SDF2: variants seen among roughly 807,000 people sequenced by gnomAD.
SDF2 encodes stromal cell-derived factor 2.
In SDF2, 12 loss-of-function variants were observed where a neutral mutation model predicts 20.5. The observed-to-expected ratio is 0.58, with a 90% CI of 0.37 to 0.95. The LOEUF is 0.95. Ranked by LOEUF, SDF2 falls within the 40% of genes least tolerant of loss-of-function variation. SDF2 has a pLI of 0.01. For synonymous variants in SDF2, 100 were observed against 101.0 expected (o/e 0.99, Z 0.06); for missense variants, 238 against 263.1 (o/e 0.90, Z 0.66).
intron 1 of SDF2, among the ~76,000 whole-genome samples, chr17:28,656,654 G>C (rs2071965751): frequency 6.6e-6 from 1 of 152,008 alleles, no homozygotes; most frequent in Non-Finnish European, 1.5e-5. Flanking sequence ...TATACTTAAG[G>C]GTATGTCATA....
chr17:28,649,376 A>T, intron 2 of SDF2, 100 bp from the exon 3 acceptor site: 1 of 1,125,920 alleles, frequency 8.9e-7, no homozygotes, highest in South Asian at 1.4e-5. Flanking sequence ...TGAAGTAAAA[A>T]ATCAGAGGGG....
chr17:28,658,819 G>T (rs968944830), intron 1 of SDF2, among the ~76,000 whole-genome samples: 3 of 152,200 alleles, frequency 2.0e-5, no homozygotes, highest in Non-Finnish European at 4.4e-5. Flanking sequence ...CTTCACACTT[G>T]GAAGACTGCA....
Position 28,661,886 on chromosome 17 carries a change from ATCGCGG to A in SDF2, c.-16_-11del, listed in dbSNP as rs1445473672. ...GAGGTACTACAGCCATCCTAACTGT[ATCGCGG>A]AGCCCCAAATCTTCGAAGAAAACTC... is the stretch of plus-strand genomic sequence containing the variant. On this transcript the variant is annotated 5_prime_UTR_variant, in exon 1 of 3. Transcript: ENST00000247020. The A allele has an allele frequency of 1.3e-6, 2 of 1,590,976 alleles. No individual in the cohort carries two copies. The highest frequency in any genetic ancestry group is 2.7e-5 in the African/African-American group (2 of 74,466).
chr17:28,661,760 G>C lies in SDF2; in HGVS notation c.117C>G (p.Val39=). 1 of 1,614,094 alleles carries C rather than the reference G, an allele frequency of 6.2e-7. No homozygotes were observed. Among genetic ancestry groups the C allele is most frequent in the African/African-American group, 1.3e-5 (1 of 75,014 alleles). Residue 39 remains valine (V), a synonymous_variant, in exon 1 of 3, where the codon GTC becomes GTG. Coordinates refer to ENST00000247020, the MANE Select transcript of SDF2 (RefSeq NM_006923.4). ...VVKLLNTRHN[V]RLHSHDVRYG... is the part of the protein sequence containing the mutation. The stretch of plus-strand genomic sequence containing the variant: ...AGCGCACGTCGTGTGAGTGCAGTCG[G>C]ACGTTGTGGCGCGTATTGAGTAGCT...
At chr17:28,651,599 G>A (rs1193540837) in intron 2 of SDF2, 2 of 152,194 alleles carry the variant, frequency 1.3e-5, no homozygotes, top group Admixed American at 1.3e-4. Flanking sequence ...AAATGAGATA[G>A]CAAATATTAA....
At chr17:28,661,626 C>G in intron 1 of SDF2, 100 bp downstream of exon 1, 1 of 1,356,880 alleles carries the variant, frequency 7.4e-7, no homozygotes, top group African/African-American at 1.4e-5. Context: ...CAGGGAACCC[C>G]TAACTTTCCC....
chr17:28,653,484 A>ATATGTGGCAAGTAT (rs1238528625), intron 2 of SDF2, among the ~76,000 whole-genome samples: 1 of 152,222 alleles, frequency 6.6e-6, no homozygotes, highest in East Asian at 1.9e-4. Flanking sequence ...AAGTATATGT[A>ATATGTGGCAAGTAT]ATGTGGTATT....
chr17:28,649,405 T>G, intron 2 of SDF2, 129 bp from the exon 3 acceptor site: 1 of 828,690 alleles, frequency 1.2e-6, no homozygotes, highest in Non-Finnish European at 1.9e-6. Context: ...ATGCCTGTAA[T>G]CCTACCACTT....
chr17:28,649,363 C>T (rs1278835582), intron 2 of SDF2, 87 bp from the exon 3 acceptor site: 1 of 1,301,586 alleles, frequency 7.7e-7, no homozygotes, highest in African/African-American at 1.5e-5. Context: ...AAGAAGGCCA[C>T]CTTGAAGTAA....
In SDF2 at chr17:28,649,016, C is replaced by T; in HGVS notation, c.609G>A (p.Lys203=). Residue 203 remains lysine (K), a synonymous_variant, in exon 3 of 3, where the codon AAG becomes AAA. Coordinates refer to ENST00000247020, the MANE Select transcript of SDF2 (RefSeq NM_006923.4). Reference sequence around the variant, plus strand: ...ACAGCTCTGCATGGTGGGCTTCTGCCTTCAACAACTCACTGGGCTTCATGA... The same window carrying T: ...ACAGCTCTGCATGGTGGGCTTCTGCTTTCAACAACTCACTGGGCTTCATGA... ...GIFMKPSELL[K]AEAHHAEL 6.2e-7 allele frequency: 1 copy of T among 1,614,224 alleles called. No homozygotes were observed. The highest frequency in any genetic ancestry group is 2.2e-5 in the East Asian group (1 of 44,892).
intron 2 of SDF2, among the ~76,000 whole-genome samples, chr17:28,650,612 C>A (rs2071905785): frequency 6.6e-6 from 1 of 151,192 alleles, no homozygotes; most frequent in Non-Finnish European, 1.5e-5. Context: ...ATGGTAAAAC[C>A]CCATCTCTAC....
chr17:28,650,818 A>C (rs1597668277), intron 2 of SDF2, among the ~76,000 whole-genome samples: 1 of 151,274 alleles, frequency 6.6e-6, no homozygotes, highest in African/African-American at 2.4e-5. Flanking sequence ...AAAAAAAAAA[A>C]AAAAAAAAAA....
At chr17:28,653,743 C>T (rs191409045) in intron 2 of SDF2, among the ~76,000 whole-genome samples, 10 of 151,994 alleles carry the variant, frequency 6.6e-5, no homozygotes, top group Non-Finnish European at 1.2e-4. Flanking sequence ...ACCTGGGAGG[C>T]GGAGGTTGCA....
At chr17:28,654,372 T>A (rs1248114926) in intron 2 of SDF2, among the ~76,000 whole-genome samples, 1 of 151,466 alleles carries the variant, frequency 6.6e-6, no homozygotes, top group East Asian at 1.9e-4. Context: ...AAAAAAACAC[T>A]GCAAGTTGGA....
At chr17:28,655,824 T>G in intron 1 of SDF2, 1 of 311,876 alleles carries the variant, frequency 3.2e-6, no homozygotes, top group Non-Finnish European at 6.1e-6. Flanking sequence ...CCAATTAAGG[T>G]TGATGACCTT....
chr17:28,660,232 G>A (rs373000912), intron 1 of SDF2, among the ~76,000 whole-genome samples: 7 of 152,228 alleles, frequency 4.6e-5, no homozygotes, highest in African/African-American at 9.6e-5. Flanking sequence ...GAGGGAGACC[G>A]TGGAAAGAGA....
chr17:28,659,221 G>C (rs1249941981), intron 1 of SDF2, among the ~76,000 whole-genome samples: 3 of 138,260 alleles, frequency 2.2e-5, no homozygotes, highest in South Asian at 4.8e-4. Context: ...GTGGCGGCCA[G>C]GCAGAGGCGC....
rs1001059187 is a variant in SDF2 at position 28,648,931 on chromosome 17, A to T, written c.*58T>A. ...AACTTGTGGCAGGGATCCCAAGGTG[A>T]GGCAGCAACAGATGTCTGTGAACAT... On this transcript the variant is annotated 3_prime_UTR_variant, in exon 3 of 3. Transcript: ENST00000247020. 8 of 1,559,664 alleles carry T rather than the reference A, an allele frequency of 5.1e-6. No individual in the cohort carries two copies. The highest frequency in any genetic ancestry group is 5.3e-6 in the Non-Finnish European group (6 of 1,140,538).
intron 2 of SDF2, among the ~76,000 whole-genome samples, chr17:28,654,957 AAAAAAT>A: frequency 6.6e-6 from 1 of 152,000 alleles, no homozygotes; most frequent in Non-Finnish European, 1.5e-5. Flanking sequence ...CTCCATCTCA[AAAAAAT>A]AAAAATAAAA....
Sources: gnomAD v4.1 joint callset for allele counts (sites outside exome capture counted in the v4.1 genomes callset) on GRCh38, gnomAD v4.1.1 for gene constraint, MANE v1.5 for transcripts, NCBI Gene and HGNC (gene_info 2026-07-23, HGNC 2026-07-21) for gene names.